Variants in RPS6KC1 observed in about 807,000 individuals in gnomAD.
RPS6KC1 encodes the protein inactive ribosomal protein S6 kinase delta-1.
A neutral mutation model predicts 103.8 loss-of-function variants in RPS6KC1; 54 were observed. That is an observed-to-expected ratio of 0.52 (90% CI 0.42 to 0.65). The LOEUF is 0.65. RPS6KC1 is among the 30% of genes least tolerant of loss of function. The pLI, the probability that RPS6KC1 is intolerant of heterozygous loss-of-function variation, is 0.00. For missense variants in RPS6KC1, 1,151 were observed against 1,253.8 expected, an observed-to-expected ratio of 0.92 and a Z score of 1.24; for synonymous variants, 439 against 438.7, an observed-to-expected ratio of 1.00 and a Z score of -0.01.
At chr1:213,499,399 A>C in the RPS6KC1 span, among the ~76,000 whole-genome samples, 1 of 151,968 alleles carries the variant, frequency 6.6e-6, no homozygotes, top group Non-Finnish European at 1.5e-5. Context: ...ATGGTAGACA[A>C]TTTTTCCGTA....
At chr1:213,819,747 A>C in the RPS6KC1 span, 3 of 152,244 alleles carry the variant, frequency 2.0e-5, no homozygotes, top group African/African-American at 7.2e-5. Context: ...TGCTGTTGTC[A>C]TGAATATTAC....
At chr1:213,305,369 C>T in the RPS6KC1 span, among the ~76,000 whole-genome samples, 1 of 152,212 alleles carries the variant, frequency 6.6e-6, no homozygotes, top group Non-Finnish European at 1.5e-5. Flanking sequence ...AGGCATGAGC[C>T]ACTGTGCCTG....
chr1:213,606,011 C>T, the RPS6KC1 span, among the ~76,000 whole-genome samples: 1 of 152,212 alleles, frequency 6.6e-6, no homozygotes, highest in Non-Finnish European at 1.5e-5. Context: ...AGAAACGCTT[C>T]CTGTACATAA....
rs1485198110 is a variant in RPS6KC1, at chr1:213,272,601, T to C, written c.3168T>C (p.Phe1056=). 6.2e-7 allele frequency: 1 copy of C among 1,613,946 alleles called. No individual in the cohort carries two copies. The stretch of plus-strand genomic sequence containing the variant: ...AAGATATCAAATCTCATCCATTTTT[T>C]ACCCCTGTGGATTGGGCAGAACTGA... The part of the protein sequence containing the change: ...GVEDIKSHPF[F]TPVDWAELMR The change falls in exon 15 of 15, where the codon TTT becomes TTC. Residue 1056 remains phenylalanine (F), a synonymous_variant. Transcript: ENST00000366960.
At chr1:213,700,567 A>ATT in the RPS6KC1 span, among the ~76,000 whole-genome samples, 10 of 148,738 alleles carry the variant, frequency 6.7e-5, no homozygotes, top group Admixed American at 1.3e-4. Flanking sequence ...AAATTTTAGG[A>ATT]TTTTTTTTTT....
At chr1:213,276,505 C>T (rs373424701), downstream of RPS6KC1, among the ~76,000 whole-genome samples, 1 of 152,108 alleles carries the variant, frequency 6.6e-6, no homozygotes, top group African/African-American at 2.4e-5. Context: ...CTCTCCTGGA[C>T]CTGTTCCCTT....
chr1:213,092,041 G>A (rs1212871204), intron 3 of RPS6KC1, among the ~76,000 whole-genome samples: 2 of 150,896 alleles, frequency 1.3e-5, no homozygotes, highest in Non-Finnish European at 2.9e-5. Context: ...TGGTGCTGTT[G>A]CCTTGATTTC....
At chr1:213,125,262 T>C (rs1045684370) in intron 5 of RPS6KC1, among the ~76,000 whole-genome samples, 4 of 152,132 alleles carry the variant, frequency 2.6e-5, no homozygotes, top group Non-Finnish European at 5.9e-5. Context: ...GTATACATAC[T>C]CATTTGTAGT....
chr1:213,052,105 A>G (rs1435267185), intron 1 of RPS6KC1, among the ~76,000 whole-genome samples: 3 of 152,196 alleles, frequency 2.0e-5, no homozygotes, highest in African/African-American at 7.2e-5. Flanking sequence ...GGCACATTTT[A>G]AAGTTGGGAG....
the RPS6KC1 span, among the ~76,000 whole-genome samples, chr1:213,496,003 T>G: frequency 1.3e-5 from 2 of 152,148 alleles, no homozygotes; most frequent in South Asian, 4.1e-4. Context: ...CCTAAATTTC[T>G]GACCTTAAAT....
chr1:213,608,323 T>C, the RPS6KC1 span, among the ~76,000 whole-genome samples: 2 of 152,164 alleles, frequency 1.3e-5, no homozygotes, highest in Non-Finnish European at 1.5e-5. Context: ...TCTGTTTGGC[T>C]CTTTTAAAAG....
the RPS6KC1 span, among the ~76,000 whole-genome samples, chr1:213,790,548 G>GT: frequency 6.6e-6 from 1 of 152,230 alleles, no homozygotes; most frequent in Non-Finnish European, 1.5e-5. Context: ...AAAGAAAGAA[G>GT]TACTTCATAA....
chr1:213,486,915 A>G, the RPS6KC1 span, among the ~76,000 whole-genome samples: 4 of 152,262 alleles, frequency 2.6e-5, no homozygotes, highest in African/African-American at 9.6e-5. Context: ...TTGGATAATT[A>G]TATAGAACTG....
the RPS6KC1 span, among the ~76,000 whole-genome samples, chr1:213,316,372 T>G: frequency 6.6e-6 from 1 of 152,250 alleles, no homozygotes; most frequent in Non-Finnish European, 1.5e-5. Flanking sequence ...TACAGTCAGT[T>G]TCCACTCAAG....
the RPS6KC1 span, among the ~76,000 whole-genome samples, chr1:213,833,367 T>C: frequency 3.3e-5 from 5 of 152,210 alleles, no homozygotes; most frequent in Non-Finnish European, 5.9e-5. Flanking sequence ...TATTATACCC[T>C]CATTCTCTCT....
the RPS6KC1 span, among the ~76,000 whole-genome samples, chr1:213,533,195 A>G: frequency 1.3e-5 from 2 of 152,160 alleles, no homozygotes; most frequent in Non-Finnish European, 2.9e-5. Context: ...GGTGCATGCC[A>G]GACTGAGTCC....
chr1:213,828,567 T>C, the RPS6KC1 span, among the ~76,000 whole-genome samples: 1 of 152,210 alleles, frequency 6.6e-6, no homozygotes, highest in Non-Finnish European at 1.5e-5. Context: ...GCCTGACTTG[T>C]TCCTAACTAG....
chr1:213,838,583 A>AG, the RPS6KC1 span, among the ~76,000 whole-genome samples: 5 of 151,394 alleles, frequency 3.3e-5, no homozygotes, highest in Admixed American at 1.3e-4. Context: ...TATTTTTCTG[A>AG]GAAAAAAAAA....
At chr1:213,477,800 G>A in the RPS6KC1 span, among the ~76,000 whole-genome samples, 2 of 152,154 alleles carry the variant, frequency 1.3e-5, no homozygotes, top group South Asian at 4.1e-4. Flanking sequence ...CTCCCTGCAT[G>A]TATAATTCCC....
Sources: allele counts gnomAD v4.1 joint callset (sites outside exome capture counted in the v4.1 genomes callset), GRCh38; gene constraint gnomAD v4.1.1; transcripts MANE v1.5; gene names NCBI Gene and HGNC (gene_info 2026-07-23, HGNC 2026-07-21).